MYO1D: variants seen among roughly 807,000 people sequenced by gnomAD.
MYO1D encodes the protein myosin ID.
In MYO1D, 83 loss-of-function variants were observed where a neutral mutation model predicts 122.0. The ratio of observed to expected loss-of-function variants is 0.68; its 90% CI spans 0.57 to 0.82. The LOEUF is 0.82. MYO1D is among the 40% of genes least tolerant of loss of function. MYO1D has a pLI of 0.00. For missense variants in MYO1D, 1,157 were observed against 1,269.5 expected, an observed-to-expected ratio of 0.91 and a Z score of 1.35; for synonymous variants, 464 against 446.9, an observed-to-expected ratio of 1.04 and a Z score of -0.48.
At chr17:32,864,696 T>C (rs1029174909) in intron 1 of MYO1D, among the ~76,000 whole-genome samples, 8 of 152,148 alleles carry the variant, frequency 5.3e-5, no homozygotes, top group Admixed American at 5.2e-4. Context: ...AATCAGATTA[T>C]ATACATAAAA....
intron 17 of MYO1D, 74 bp downstream of exon 17, chr17:32,659,041 C>T (rs2088515179): frequency 2.4e-5 from 32 of 1,353,962 alleles, no homozygotes; most frequent in Non-Finnish European, 3.2e-5. Flanking sequence ...ATATCACGGT[C>T]TCAGACTTGT....
chr17:32,787,228 AGGT>A (rs1338498705), intron 1 of MYO1D, among the ~76,000 whole-genome samples: 1 of 152,196 alleles, frequency 6.6e-6, no homozygotes, highest in Non-Finnish European at 1.5e-5. Context: ...CAGGAAGAAA[AGGT>A]GGAGAAAAGT....
chr17:32,667,556 T>C (rs1340945744), intron 16 of MYO1D, among the ~76,000 whole-genome samples: 1 of 152,160 alleles, frequency 6.6e-6, no homozygotes, highest in South Asian at 2.1e-4. Flanking sequence ...TAAACAAATG[T>C]AAAAATCATT....
At chr17:32,861,923 TAGG>T (rs2091080735) in intron 1 of MYO1D, among the ~76,000 whole-genome samples, 1 of 151,742 alleles carries the variant, frequency 6.6e-6, no homozygotes, top group Non-Finnish European at 1.5e-5. Context: ...GAGGCTGAGA[TAGG>T]AGAATAGCTT....
chr17:32,732,925 C>T (rs2089657449), intron 14 of MYO1D, among the ~76,000 whole-genome samples: 1 of 152,262 alleles, frequency 6.6e-6, no homozygotes, highest in Admixed American at 6.5e-5. Flanking sequence ...CTGGGCACCA[C>T]TGCATTCCCC....
At chr17:32,572,881 A>G (rs1440302673) in intron 21 of MYO1D, among the ~76,000 whole-genome samples, 1 of 152,046 alleles carries the variant, frequency 6.6e-6, no homozygotes, top group Non-Finnish European at 1.5e-5. Context: ...TGTTAGCAAA[A>G]GCAACCTCTT....
chr17:32,565,640 C>T (rs1478834041), intron 21 of MYO1D, among the ~76,000 whole-genome samples: 1 of 152,196 alleles, frequency 6.6e-6, no homozygotes, highest in African/African-American at 2.4e-5. Context: ...CATCAGTAAA[C>T]ATTATCAAGT....
intron 15 of MYO1D, among the ~76,000 whole-genome samples, chr17:32,713,039 C>G (rs1269245694): frequency 1.3e-5 from 2 of 152,192 alleles, no homozygotes; most frequent in Non-Finnish European, 2.9e-5. Flanking sequence ...TTCCATCATG[C>G]AAAGTTGTTT....
At chr17:32,772,253 C>A (rs1202832483) in intron 5 of MYO1D, among the ~76,000 whole-genome samples, 1 of 152,124 alleles carries the variant, frequency 6.6e-6, no homozygotes, top group Non-Finnish European at 1.5e-5. Flanking sequence ...AATCTAAAAG[C>A]ACTCTTGAAA....
intron 17 of MYO1D, among the ~76,000 whole-genome samples, chr17:32,657,620 A>T (rs1441734119): frequency 4.6e-5 from 7 of 152,244 alleles, no homozygotes; most frequent in Non-Finnish European, 1.0e-4. Flanking sequence ...AATGTAGCAG[A>T]CCTGTTAGTT....
At chr17:32,769,975 C>T (rs576151026) in intron 6 of MYO1D, among the ~76,000 whole-genome samples, 1 of 152,340 alleles carries the variant, frequency 6.6e-6, no homozygotes, top group South Asian at 2.1e-4. Flanking sequence ...CAGTCACTGG[C>T]TTTCCAGGTG....
In MYO1D at chr17:32,597,418, A is replaced by G. The variant is rs577206651; in HGVS notation, c.2864+7669T>C. On this transcript the variant is annotated intron_variant, in intron 21 of 21. Transcript: ENST00000318217. ...TGTGTATACATATCTATCTGTACCT[A>G]TATCTATACATTGTTTAGTAGGAGA... is the stretch of plus-strand genomic sequence containing the variant. Among the ~76,000 whole-genome samples the G allele has an allele frequency of 3.3e-5, 5 of 152,194 alleles. No homozygotes were observed. In the South Asian group the frequency reaches 1.0e-3, roughly 32 times the overall value.
At position 32,747,327 on chromosome 17, in the gene MYO1D, C is replaced by A. The variant is rs138515199; in HGVS notation, c.1538+1609G>T. Among the ~76,000 whole-genome samples the A allele has an allele frequency of 5.3e-3, 803 of 152,030 alleles. 9 individuals are homozygous for A. The highest frequency in any genetic ancestry group is 0.019 in the African/African-American group (774 of 41,454). ...AAACTAAGAAAAAGAGTTCTTTAAA[C>A]AATAAGATGAGGAGCAGTGTTCAGT... On this transcript the variant is annotated intron_variant, in intron 12 of 21. Transcript: ENST00000318217.
intron 1 of MYO1D, among the ~76,000 whole-genome samples, chr17:32,835,229 G>A (rs1273411591): frequency 6.6e-6 from 1 of 151,238 alleles, no homozygotes; most frequent in Non-Finnish European, 1.5e-5. Flanking sequence ...TGGCTGCTTG[G>A]CAAATACCCA....
chr17:32,652,563 T>C (rs1208303992), intron 19 of MYO1D, among the ~76,000 whole-genome samples: 2 of 152,180 alleles, frequency 1.3e-5, no homozygotes, highest in African/African-American at 4.8e-5. Context: ...TGGATAATTC[T>C]ACAAAATACT....
chr17:32,807,889 T>G (rs1306776512), intron 1 of MYO1D, among the ~76,000 whole-genome samples: 1 of 152,220 alleles, frequency 6.6e-6, no homozygotes, highest in Non-Finnish European at 1.5e-5. Flanking sequence ...CCCTTTCACA[T>G]TACCATATTT....
intron 7 of MYO1D, among the ~76,000 whole-genome samples, chr17:32,765,779 C>T (rs1169172536): frequency 6.6e-6 from 1 of 151,986 alleles, no homozygotes; most frequent in Admixed American, 6.5e-5. Context: ...ACTTTTTAAT[C>T]CATCCACAAT....
intron 21 of MYO1D, among the ~76,000 whole-genome samples, chr17:32,579,838 G>A (rs553897122): frequency 1.3e-4 from 20 of 152,238 alleles, no homozygotes; most frequent in Middle Eastern, 3.4e-3. Flanking sequence ...TTTTATTACC[G>A]AGTAGTAGTT....
At chr17:32,573,954 G>A (rs2087254232) in intron 21 of MYO1D, among the ~76,000 whole-genome samples, 1 of 152,194 alleles carries the variant, frequency 6.6e-6, no homozygotes. Flanking sequence ...CAGGGTTCAC[G>A]CCATTCTCCT....
Sources: gnomAD v4.1 joint callset for allele counts (sites outside exome capture counted in the v4.1 genomes callset) on GRCh38, gnomAD v4.1.1 for gene constraint, MANE v1.5 for transcripts, NCBI Gene and HGNC (gene_info 2026-07-23, HGNC 2026-07-21) for gene names.